ZNF215: variants seen among roughly 807,000 people sequenced by gnomAD.
The protein encoded by ZNF215 is zinc finger protein 215, also known as BWSCR2-associated zinc finger protein 2.
Under a neutral mutation model 27.2 loss-of-function variants are expected in ZNF215, and 24 were observed. The observed-to-expected ratio is 0.88, with a 90% CI of 0.64 to 1.24. The LOEUF (loss-of-function observed/expected upper bound fraction) is 1.24. Among genes scored for constraint, ZNF215 ranks in the 50% most tolerant of loss-of-function variants. The pLI, the probability that ZNF215 is intolerant of heterozygous loss-of-function variation, is 0.00. For synonymous variants in ZNF215, 210 were observed against 204.0 expected (o/e 1.03, Z -0.25); for missense variants, 675 against 605.7 (o/e 1.11, Z -1.20).
At chr11:6,946,770 G>C (rs746721148) in intron 6 of ZNF215, among the ~76,000 whole-genome samples, 57 of 152,032 alleles carry the variant, frequency 3.7e-4, no homozygotes, top group Non-Finnish European at 7.2e-4. Context: ...CCCACATTAG[G>C]CTGTATGTTC....
downstream of ZNF215, chr11:6,988,423 TTTA>T (rs150610366): frequency 0.015 from 3,335 of 216,070 alleles, 126 homozygotes; most frequent in African/African-American, 0.074. Context: ...TGATTTTCCC[TTTA>T]TTATCTCCTA....
At chr11:6,950,178 CT>C (rs1254449437) in intron 6 of ZNF215, among the ~76,000 whole-genome samples, 1 of 148,342 alleles carries the variant, frequency 6.7e-6, no homozygotes, top group African/African-American at 2.5e-5. Context: ...ATGCCTCCAG[CT>C]TTGTTCTTTT....
chr11:6,932,471 A>G lies in ZNF215; in HGVS notation c.199A>G (p.Ser67Gly). 6.2e-7 allele frequency: 1 copy of G among 1,614,180 alleles called. No individual in the cohort carries two copies. The highest frequency in any genetic ancestry group is 8.5e-7 in the Non-Finnish European group (1 of 1,180,036). Residue 67 changes from serine to glycine, a missense_variant, in exon 3 of 7, where the codon AGC becomes GGC. Ser to Gly is a moderately conservative substitution (Grantham distance 56). Transcript: ENST00000278319. ...AGTGTCTGGGCCCCATGAAGCCCTG[A>G]GCCAACTCTGGGAGCTCTGTCTTCA... ...LKVSGPHEALSQLWELCLQWL... is the reference protein window; with the variant it reads ...LKVSGPHEALGQLWELCLQWL...
At chr11:6,942,699 A>C (rs1297608351) in intron 4 of ZNF215, among the ~76,000 whole-genome samples, 2 of 152,182 alleles carry the variant, frequency 1.3e-5, no homozygotes, top group Non-Finnish European at 2.9e-5. Flanking sequence ...CATTTTCATT[A>C]CAAATCTCTC....
chr11:6,935,360 C>T (rs1277390738), intron 3 of ZNF215, among the ~76,000 whole-genome samples: 1 of 152,192 alleles, frequency 6.6e-6, no homozygotes, highest in African/African-American at 2.4e-5. Flanking sequence ...ACACACAATG[C>T]ATCTGCAGAG....
At position 6,945,828 on chromosome 11, in the gene ZNF215, C is replaced by T. The variant is rs947302338; in HGVS notation, c.712+2187C>T. On this transcript the variant is annotated intron_variant, in intron 6 of 6. Coordinates refer to ENST00000278319, the MANE Select transcript of ZNF215 (RefSeq NM_013250.4). Reference sequence around the variant, plus strand: ...TAGTTTATTACATCCACAACTAAAACTTAAATTATTTCACATATATAGGAT... The same window carrying T: ...TAGTTTATTACATCCACAACTAAAATTTAAATTATTTCACATATATAGGAT... Among the ~76,000 whole-genome samples, 9 of 152,276 alleles carry T rather than the reference C, an allele frequency of 5.9e-5. 1 individual carries two copies. Among genetic ancestry groups the T allele is most frequent in the African/African-American group, 1.9e-4 (8 of 41,556 alleles).
At chr11:6,989,849 T>C (rs1040027076), downstream of ZNF215, among the ~76,000 whole-genome samples, 11 of 152,120 alleles carry the variant, frequency 7.2e-5, no homozygotes, top group African/African-American at 2.4e-4. Context: ...TCATGTAACC[T>C]GAGTATGCCC....
intron 5 of ZNF215, among the ~76,000 whole-genome samples, chr11:6,975,640 G>C (rs1056537538): frequency 5.9e-5 from 9 of 152,000 alleles, no homozygotes; most frequent in Non-Finnish European, 7.4e-5. Context: ...TTCTGTCTTA[G>C]ATCTCCGGTT....
At chr11:6,979,618 G>A (rs1309956325) in intron 5 of ZNF215, among the ~76,000 whole-genome samples, 1 of 151,982 alleles carries the variant, frequency 6.6e-6, no homozygotes, top group African/African-American at 2.4e-5. Flanking sequence ...AGTAGAAGAA[G>A]GAGGTTAAGT....
At chr11:6,938,724 A>G (rs1202476589) in intron 3 of ZNF215, among the ~76,000 whole-genome samples, 1 of 152,168 alleles carries the variant, frequency 6.6e-6, no homozygotes, top group Non-Finnish European at 1.5e-5. Context: ...TAGAGACAGT[A>G]TAAGGAAAGG....
intron 6 of ZNF215, among the ~76,000 whole-genome samples, chr11:6,953,898 T>C (rs1444991877): frequency 1.3e-5 from 2 of 152,230 alleles, no homozygotes; most frequent in African/African-American, 4.8e-5. Flanking sequence ...GATGGTGATG[T>C]ACAGATGGGT....
intron 2 of ZNF215, among the ~76,000 whole-genome samples, chr11:6,929,156 G>A (rs1849166435): frequency 6.6e-6 from 1 of 152,152 alleles, no homozygotes; most frequent in South Asian, 2.1e-4. Context: ...GATCTTTCAA[G>A]CCAGAAGGCA....
downstream of ZNF215, among the ~76,000 whole-genome samples, chr11:6,989,150 CAAAAAAA>C (rs71056776): frequency 0.2 from 15,355 of 76,972 alleles, 880 homozygotes; most frequent in Middle Eastern, 0.3. Flanking sequence ...AGATCCGTCT[CAAAAAAA>C]AAAAAAAAAA....
intron 5 of ZNF215, among the ~76,000 whole-genome samples, chr11:6,968,285 T>C (rs1284004324): frequency 6.6e-6 from 1 of 152,200 alleles, no homozygotes; most frequent in African/African-American, 2.4e-5. Context: ...TGTGGTTCCA[T>C]ATGAAATTTA....
chr11:6,965,740 T>G (rs1850604663), intron 5 of ZNF215, among the ~76,000 whole-genome samples: 1 of 152,198 alleles, frequency 6.6e-6, no homozygotes, highest in Non-Finnish European at 1.5e-5. Context: ...TATTTCATAT[T>G]GACTTAGCTT....
chr11:6,932,078 TTCTA>T lies in ZNF215; in HGVS notation c.-179-12_-179-9del. ...AGATGTTTGTTCCCTGTGGGTTAAT[TTCTA>T]TCTTTTTTCAGTTGCTCAGGTACCT... On this transcript the variant is annotated splice_polypyrimidine_tract_variant and intron_variant, in intron 2 of 6. Transcript: ENST00000278319. 1.8e-6 allele frequency: 1 copy of T among 565,846 alleles called. No individual in the cohort carries two copies. Among genetic ancestry groups the T allele is most frequent in the East Asian group, 2.8e-5 (1 of 35,186 alleles). The allele number at this position is 565,846 out of a possible 1,614,324, so 35.1% of individuals were successfully genotyped here. A position where few individuals can be genotyped will look rare whatever the true frequency, so the allele number is the denominator to read the frequency against.
chr11:6,937,470 A>G (rs1042310050), intron 3 of ZNF215, among the ~76,000 whole-genome samples: 9 of 141,792 alleles, frequency 6.3e-5, no homozygotes, highest in Non-Finnish European at 9.1e-5. Context: ...TGCAATCCCT[A>G]TCAAAATCTC....
At chr11:6,984,953 C>T (rs560882052), downstream of ZNF215, among the ~76,000 whole-genome samples, 6 of 152,288 alleles carry the variant, frequency 3.9e-5, no homozygotes, top group South Asian at 1.2e-3. Context: ...GGATTCACAG[C>T]CGAATTCCAC....
intron 5 of ZNF215, 67 bp from the exon 6 acceptor site, chr11:6,943,476 TCTC>T: frequency 2.1e-6 from 3 of 1,407,350 alleles, no homozygotes; most frequent in Non-Finnish European, 3.0e-6. Context: ...AGAATTATCT[TCTC>T]TATAAAAATG....
Sources: allele counts gnomAD v4.1 joint callset (sites outside exome capture counted in the v4.1 genomes callset), GRCh38; gene constraint gnomAD v4.1.1; transcripts MANE v1.5; gene names NCBI Gene and HGNC (gene_info 2026-07-23, HGNC 2026-07-21).